Variants in TMEM132D observed in about 807,000 individuals in gnomAD.
TMEM132D encodes mature OL transmembrane protein.
In TMEM132D, 21 loss-of-function variants were observed where a neutral mutation model predicts 62.3. The observed-to-expected ratio is 0.34, with a 90% CI of 0.24 to 0.49. The LOEUF (loss-of-function observed/expected upper bound fraction) is 0.49. Among genes scored for constraint, TMEM132D ranks in the 20% least tolerant of loss-of-function variants. The probability of loss-of-function intolerance (pLI) is 0.99; values close to 1 mark genes in which losing one functional copy is unlikely to be tolerated. For missense variants in TMEM132D, 1,346 were observed against 1,402.8 expected (o/e 0.96, Z 0.65); for synonymous variants, 621 against 575.6 (o/e 1.08, Z -1.13).
intron 3 of TMEM132D, among the ~76,000 whole-genome samples, chr12:129,518,541 G>T: frequency 1.2e-5 from 1 of 82,716 alleles, no homozygotes; most frequent in Admixed American, 1.4e-4. Flanking sequence ...ATATACACAT[G>T]TGCGTGTGTG....
intron 1 of TMEM132D, among the ~76,000 whole-genome samples, chr12:129,756,145 C>T (rs557193194): frequency 1.3e-5 from 2 of 152,288 alleles, no homozygotes; most frequent in African/African-American, 4.8e-5. Flanking sequence ...TGAGACACTG[C>T]TGTTCAACAA....
At chr12:129,672,811 T>A (rs1880531207) in intron 2 of TMEM132D, among the ~76,000 whole-genome samples, 1 of 152,178 alleles carries the variant, frequency 6.6e-6, no homozygotes, top group African/African-American at 2.4e-5. Context: ...GCAATGGCAC[T>A]ATCTCGGCTC....
intron 3 of TMEM132D, among the ~76,000 whole-genome samples, chr12:129,448,075 AG>A (rs1338937572): frequency 6.6e-6 from 1 of 152,206 alleles, no homozygotes; most frequent in Non-Finnish European, 1.5e-5. Context: ...TGAATGCATG[AG>A]GGAATATGGC....
intron 3 of TMEM132D, among the ~76,000 whole-genome samples, chr12:129,462,652 C>G (rs776309712): frequency 2.0e-5 from 3 of 152,164 alleles, no homozygotes; most frequent in African/African-American, 7.2e-5. Context: ...CACAATGGCA[C>G]TAAATATTCC....
At chr12:129,535,796 GTGTGTGTGTGTGTGT>G (rs1876371544) in intron 2 of TMEM132D, among the ~76,000 whole-genome samples, 1 of 151,276 alleles carries the variant, frequency 6.6e-6, no homozygotes, top group African/African-American at 2.4e-5. Context: ...GTGTGTGTGT[GTGTGTGTGTGTGTGT>G]TGTTAGAAAA....
At chr12:129,445,245 G>A (rs1873061675) in intron 3 of TMEM132D, among the ~76,000 whole-genome samples, 1 of 152,154 alleles carries the variant, frequency 6.6e-6, no homozygotes, top group African/African-American at 2.4e-5. Context: ...TCACTTATAA[G>A]TGGGAGCTAA....
chr12:129,239,482 G>A (rs144567843), intron 4 of TMEM132D, among the ~76,000 whole-genome samples: 49 of 152,252 alleles, frequency 3.2e-4, no homozygotes, highest in Non-Finnish European at 5.7e-4. Context: ...CAGTGTCCTC[G>A]CAAAAGATAT....
At chr12:129,233,530 G>A (rs765717384) in intron 4 of TMEM132D, among the ~76,000 whole-genome samples, 61 of 152,190 alleles carry the variant, frequency 4.0e-4, no homozygotes, top group Admixed American at 5.2e-4. Flanking sequence ...GAGGAAGTCT[G>A]AAAAGAACAA....
At chr12:129,486,887 A>G (rs1434494874) in intron 3 of TMEM132D, among the ~76,000 whole-genome samples, 1 of 152,216 alleles carries the variant, frequency 6.6e-6, no homozygotes, top group Non-Finnish European at 1.5e-5. Context: ...AACAAAAAAA[A>G]GTAAGTCCTT....
chr12:129,649,619 A>C (rs2137181733), intron 2 of TMEM132D, among the ~76,000 whole-genome samples: 1 of 152,320 alleles, frequency 6.6e-6, no homozygotes, highest in Admixed American at 6.5e-5. Context: ...TATTTTAAAC[A>C]TACAATAGGG....
chr12:129,348,000 A>G (rs542421488), intron 3 of TMEM132D, among the ~76,000 whole-genome samples: 29 of 152,338 alleles, frequency 1.9e-4, no homozygotes, highest in African/African-American at 6.7e-4. Context: ...CAAAACCACA[A>G]TGAGATACCA....
intron 3 of TMEM132D, among the ~76,000 whole-genome samples, chr12:129,490,849 T>C (rs189851799): frequency 9.8e-4 from 149 of 152,072 alleles, no homozygotes; most frequent in African/African-American, 3.4e-3. Flanking sequence ...CCCGTTAGTC[T>C]GTGCCCCCGT....
intron 2 of TMEM132D, among the ~76,000 whole-genome samples, chr12:129,584,037 C>T (rs868567219): frequency 1.3e-5 from 2 of 151,952 alleles, no homozygotes; most frequent in Non-Finnish European, 2.9e-5. Context: ...TTAAACATGC[C>T]TCAAAAGTTA....
intron 4 of TMEM132D, among the ~76,000 whole-genome samples, chr12:129,306,938 C>T (rs549310220): frequency 5.9e-5 from 9 of 152,116 alleles, no homozygotes; most frequent in South Asian, 2.1e-4. Context: ...TCTAGGAATC[C>T]GCTAGTGAGC....
chr12:129,865,202 G>A (rs1473897214), intron 1 of TMEM132D, among the ~76,000 whole-genome samples: 1 of 152,244 alleles, frequency 6.6e-6, no homozygotes, highest in Non-Finnish European at 1.5e-5. Context: ...TGGCACTGGA[G>A]TGCTGAGGGG....
chr12:129,124,709 C>G (rs796236532), intron 5 of TMEM132D, among the ~76,000 whole-genome samples: 22 of 152,272 alleles, frequency 1.4e-4, no homozygotes, highest in African/African-American at 5.1e-4. Flanking sequence ...TGTTTGTTCA[C>G]CTATTGATGG....
intron 2 of TMEM132D, among the ~76,000 whole-genome samples, chr12:129,654,468 G>A (rs1880019616): frequency 6.6e-6 from 1 of 152,056 alleles, no homozygotes; most frequent in Non-Finnish European, 1.5e-5. Context: ...TCTATGCTTT[G>A]TACATGAAAA....
rs181886122 is a variant in TMEM132D at position 129,394,658 on chromosome 12, C to T, written c.1116-56841G>A. On this transcript the variant is annotated intron_variant, in intron 3 of 8. Coordinates refer to ENST00000422113, the MANE Select transcript of TMEM132D (RefSeq NM_133448.3). ...ACGCTGGGTGGCGTGCAAGGCTCAG[C>T]GGGGCTGGACTGTGCACATACAATG... is the stretch of plus-strand genomic sequence containing the variant. 5.8e-4 allele frequency among the ~76,000 whole-genome samples: 89 copies of T among 152,338 alleles called. 2 individuals carry two copies. The highest frequency in any genetic ancestry group is 5.6e-3 in the Admixed American group (85 of 15,304).
At chr12:129,476,723 T>C (rs547547019) in intron 3 of TMEM132D, among the ~76,000 whole-genome samples, 2 of 152,304 alleles carry the variant, frequency 1.3e-5, no homozygotes, top group Admixed American at 1.3e-4. Flanking sequence ...TGGAGTGCAT[T>C]GTAGGATGCT....
Sources: gnomAD v4.1 joint callset for allele counts (sites outside exome capture counted in the v4.1 genomes callset) on GRCh38, gnomAD v4.1.1 for gene constraint, MANE v1.5 for transcripts, NCBI Gene and HGNC (gene_info 2026-07-23, HGNC 2026-07-21) for gene names.